The following FBXW11 variants were observed in gnomAD, a reference collection of about 807,000 sequenced individuals.
FBXW11 encodes F-box and WD repeat domain containing 11, also known as F-box/WD repeat-containing protein 11.
In FBXW11, 19 loss-of-function variants were observed where a neutral mutation model predicts 77.6. That is an observed-to-expected ratio of 0.24 (90% confidence interval 0.17 to 0.36). FBXW11 has a LOEUF of 0.36. FBXW11 is among the 10% of genes least tolerant of loss of function. The pLI is 1.00. For missense variants in FBXW11, 334 were observed against 704.2 expected, an observed-to-expected ratio of 0.47 and a Z score of 5.95; for synonymous variants, 235 against 249.4, an observed-to-expected ratio of 0.94 and a Z score of 0.54.
chr5:171,886,572 T>C lies in FBXW11; in HGVS notation c.852+4895A>G, dbSNP rs528357652. 8.4e-4 allele frequency among the ~76,000 whole-genome samples: 127 copies of C among 151,024 alleles called. 1 individual carries two copies. Among genetic ancestry groups the C allele is most frequent in the African/African-American group, 3.0e-3 (124 of 41,188 alleles). The stretch of plus-strand genomic sequence containing the variant: ...ATGTACCCTAAAACTTAAAGTATAA[T>C]AAAAAATAAATAAATAAATAAATAA... On this transcript the variant is annotated intron_variant, in intron 7 of 13. Coordinates refer to ENST00000517395, the MANE Select transcript of FBXW11 (RefSeq NM_001378974.1).
chr5:171,874,753 A>T (rs1441544962), intron 9 of FBXW11, among the ~76,000 whole-genome samples: 6 of 101,620 alleles, frequency 5.9e-5, no homozygotes, highest in African/African-American at 3.9e-4. Flanking sequence ...TGGTCTCTAC[A>T]AAAAAAAAAA....
chr5:171,977,704 T>C (rs1053399692), intron 1 of FBXW11: 2 of 421,522 alleles, frequency 4.7e-6, no homozygotes, highest in Non-Finnish European at 4.7e-6. Context: ...ACATCTTAAG[T>C]AGAATGGCAG....
chr5:171,929,090 G>A (rs1002371271), intron 2 of FBXW11, among the ~76,000 whole-genome samples: 4 of 144,516 alleles, frequency 2.8e-5, no homozygotes, highest in Non-Finnish European at 6.1e-5. Flanking sequence ...ATAAAAAATA[G>A]GCTGGGCAGT....
intron 2 of FBXW11, among the ~76,000 whole-genome samples, chr5:171,943,072 T>G (rs368287311): frequency 6.6e-5 from 10 of 152,300 alleles, no homozygotes; most frequent in African/African-American, 1.9e-4. Context: ...CTACTCCAAA[T>G]TAAGTAACTA....
chr5:171,898,972 G>C (rs753573768), intron 6 of FBXW11, 32 bp downstream of exon 6: 1 of 1,355,324 alleles, frequency 7.4e-7, no homozygotes, highest in South Asian at 1.3e-5. Flanking sequence ...AAGAAACAAA[G>C]AGCCCATAAA....
At chr5:172,006,013 G>A (rs1429847610) in intron 1 of FBXW11, among the ~76,000 whole-genome samples, 1 of 152,206 alleles carries the variant, frequency 6.6e-6, no homozygotes, top group Non-Finnish European at 1.5e-5. Flanking sequence ...CGGAGGCCCA[G>A]GCGGCCCCAA....
At chr5:171,871,644 T>C (rs938069710) in intron 10 of FBXW11, among the ~76,000 whole-genome samples, 19 of 152,232 alleles carry the variant, frequency 1.2e-4, no homozygotes, top group Admixed American at 6.5e-5. Context: ...TTTTCTACAG[T>C]ATTTGTAGAA....
intron 1 of FBXW11, among the ~76,000 whole-genome samples, chr5:171,998,539 G>C (rs923654318): frequency 2.0e-5 from 3 of 151,690 alleles, no homozygotes; most frequent in Non-Finnish European, 2.9e-5. Flanking sequence ...GCTCACACCT[G>C]TAGTCCCAAC....
chr5:171,873,505 G>A (rs774909465), intron 9 of FBXW11, among the ~76,000 whole-genome samples: 1 of 152,118 alleles, frequency 6.6e-6, no homozygotes, highest in Non-Finnish European at 1.5e-5. Flanking sequence ...AGCTGGGCAT[G>A]GCAGCATGCA....
intron 5 of FBXW11, 128 bp downstream of exon 5, chr5:171,899,786 A>G (rs1759993134): frequency 1.3e-6 from 1 of 788,134 alleles, no homozygotes; most frequent in South Asian, 2.1e-5. Flanking sequence ...CCAACTTTTG[A>G]CCACTCATTT....
At chr5:171,976,956 G>C (rs1381125878) in intron 1 of FBXW11, among the ~76,000 whole-genome samples, 2 of 151,814 alleles carry the variant, frequency 1.3e-5, no homozygotes, top group Non-Finnish European at 2.9e-5. Flanking sequence ...TAAGGCAGGA[G>C]AGTCGCTTGA....
intron 6 of FBXW11, among the ~76,000 whole-genome samples, chr5:171,896,989 A>AG (rs1186344950): frequency 1.3e-5 from 2 of 152,114 alleles, no homozygotes; most frequent in Non-Finnish European, 2.9e-5. Flanking sequence ...AGTAAAAAAA[A>AG]ATCTATTTTG....
At chr5:171,948,960 T>A (rs778985908) in intron 2 of FBXW11, among the ~76,000 whole-genome samples, 6 of 152,360 alleles carry the variant, frequency 3.9e-5, no homozygotes, top group Non-Finnish European at 8.8e-5. Flanking sequence ...CATTGTGTTA[T>A]CATTAAAACT....
intron 2 of FBXW11, among the ~76,000 whole-genome samples, chr5:171,930,135 G>T (rs1762093967): frequency 6.6e-6 from 1 of 152,214 alleles, no homozygotes; most frequent in Admixed American, 6.5e-5. Context: ...CATTATGTAT[G>T]AAAATACTTA....
intron 2 of FBXW11, among the ~76,000 whole-genome samples, chr5:171,944,299 G>A (rs980045330): frequency 2.6e-5 from 4 of 151,360 alleles, no homozygotes; most frequent in South Asian, 2.1e-4. Context: ...AAAGAAGGCC[G>A]GGCGCTGTGG....
At chr5:171,910,441 T>C (rs1288236152) in intron 4 of FBXW11, 131 bp downstream of exon 4, 5 of 573,162 alleles carry the variant, frequency 8.7e-6, no homozygotes, top group African/African-American at 3.8e-5. Flanking sequence ...GAGTTCCATA[T>C]ATTAAAGTAT....
chr5:171,890,359 C>T (rs1293783527), intron 7 of FBXW11, among the ~76,000 whole-genome samples: 2 of 151,818 alleles, frequency 1.3e-5, no homozygotes, highest in Admixed American at 1.3e-4. Context: ...ACCATCTCTA[C>T]TAAAAACAAA....
chr5:171,946,626 T>C (rs1763023173), intron 2 of FBXW11, among the ~76,000 whole-genome samples: 1 of 152,062 alleles, frequency 6.6e-6, no homozygotes, highest in Non-Finnish European at 1.5e-5. Flanking sequence ...TCCCTCTACC[T>C]GGGATTCTTT....
chr5:171,923,312 T>G (rs1002095999), intron 2 of FBXW11, among the ~76,000 whole-genome samples: 2 of 152,210 alleles, frequency 1.3e-5, no homozygotes, highest in Admixed American at 6.5e-5. Context: ...CTCAAATATA[T>G]TATTACAAAG....
Sources: gnomAD v4.1 joint callset for allele counts (sites outside exome capture counted in the v4.1 genomes callset) on GRCh38, gnomAD v4.1.1 for gene constraint, MANE v1.5 for transcripts, NCBI Gene and HGNC (gene_info 2026-07-23, HGNC 2026-07-21) for gene names.